Variants in FBP2 observed in about 807,000 individuals in gnomAD.
The protein encoded by FBP2 is fructose-1,6-bisphosphatase isozyme 2.
FBP2 carries 27 observed loss-of-function variants against 31.6 expected under a neutral mutation model. That is an observed-to-expected ratio of 0.85 (90% CI 0.63 to 1.18). FBP2 has a LOEUF of 1.18. Among genes scored for constraint, FBP2 ranks in the 50% most tolerant of loss-of-function variants. FBP2 has a pLI of 0.00. For missense variants in FBP2, 421 were observed against 436.1 expected (o/e 0.97, Z 0.31); for synonymous variants, 168 against 179.8 (o/e 0.93, Z 0.53).
At chr9:94,572,431 C>T (rs1229988913) in intron 3 of FBP2, among the ~76,000 whole-genome samples, 2 of 152,152 alleles carry the variant, frequency 1.3e-5, no homozygotes, top group Non-Finnish European at 2.9e-5. Context: ...AACTGGAGTA[C>T]AGCATTGTTG....
chr9:94,585,906 G>A (rs555144470), intron 2 of FBP2, among the ~76,000 whole-genome samples: 8 of 151,046 alleles, frequency 5.3e-5, no homozygotes, highest in East Asian at 2.0e-4. Flanking sequence ...CCACCATGCC[G>A]AGCTAAATTT....
intron 3 of FBP2, among the ~76,000 whole-genome samples, chr9:94,580,689 C>T (rs1432928268): frequency 6.6e-6 from 1 of 152,208 alleles, no homozygotes; most frequent in African/African-American, 2.4e-5. Context: ...TTTACCAAAG[C>T]TATAAAAATT....
At chr9:94,585,628 TTTTTG>T (rs1279727216) in intron 2 of FBP2, among the ~76,000 whole-genome samples, 2 of 152,080 alleles carry the variant, frequency 1.3e-5, no homozygotes, top group Non-Finnish European at 2.9e-5. Flanking sequence ...TGTTTTCTTG[TTTTTG>T]TTTTGTTTTG....
chr9:94,584,634 T>C lies in FBP2; in HGVS notation c.369A>G (p.Gly123=). The change falls in exon 3 of 7, where the codon GGA becomes GGG. Residue 123 remains glycine (G), a synonymous_variant. Coordinates refer to ENST00000375337, the MANE Select transcript of FBP2 (RefSeq NM_003837.4). The part of the protein sequence containing the change: ...KYVVCFDPLD[G]SSNIDCLASI... ...AGGCCAGGCAGTCAATATTGGAAGATCCATCCAGTGGGTCAAAGCAGACCA... is the reference window on the plus strand; with the variant it reads ...AGGCCAGGCAGTCAATATTGGAAGACCCATCCAGTGGGTCAAAGCAGACCA... 1 of 1,613,840 alleles carries C rather than the reference T, an allele frequency of 6.2e-7. No individual in the cohort carries two copies. The highest frequency in any genetic ancestry group is 1.3e-5 in the African/African-American group (1 of 75,012).
At chr9:94,561,244 A>G (rs1399698978) in intron 6 of FBP2, among the ~76,000 whole-genome samples, 2 of 152,048 alleles carry the variant, frequency 1.3e-5, no homozygotes, top group Non-Finnish European at 2.9e-5. Flanking sequence ...CTTGGAGCCA[A>G]GTTACTTTTG....
In FBP2 at chr9:94,593,748, C is replaced by A; in HGVS notation, c.-22G>T. 1 of 1,612,602 alleles carries A rather than the reference C, an allele frequency of 6.2e-7. No homozygotes were observed. The highest frequency in any genetic ancestry group is 1.3e-5 in the African/African-American group (1 of 75,032). ...TCATTTTGGCTGGAATGCTTCAAATCCTTTTCTCCCGGCAGGAAACCTTGC... is the reference window on the plus strand; with the variant it reads ...TCATTTTGGCTGGAATGCTTCAAATACTTTTCTCCCGGCAGGAAACCTTGC... On this transcript the variant is annotated 5_prime_UTR_variant, in exon 1 of 7. Transcript: ENST00000375337.
rs757407828 is a variant in FBP2 at position 94,587,417 on chromosome 9, C to G, written c.223G>C (p.Asp75His). 1 of 1,614,082 alleles carries G rather than the reference C, an allele frequency of 6.2e-7. No individual in the cohort carries two copies. The highest frequency in any genetic ancestry group is 1.1e-5 in the South Asian group (1 of 91,070). Residue 75 changes from aspartate to histidine, a missense_variant, in exon 2 of 7, where the codon GAT (aspartate) becomes CAT (histidine). Physicochemically the swap from Asp to His is moderately conservative, Grantham distance 81 (BLOSUM62 -1). Coordinates refer to ENST00000375337, the MANE Select transcript of FBP2 (RefSeq NM_003837.4). The part of the protein sequence containing the change: ...NVTGDEVKKL[D>H]VLSNSLVINM... ...ATCACCAGGGAATTGGATAGCACAT[C>G]CAGTTTCTTCACCTCATCTCCCGTC... is the stretch of plus-strand genomic sequence containing the variant.
chr9:94,580,341 A>G (rs983510165), intron 3 of FBP2, among the ~76,000 whole-genome samples: 2 of 152,190 alleles, frequency 1.3e-5, no homozygotes, highest in African/African-American at 4.8e-5. Flanking sequence ...AGTGATTCTC[A>G]TGCCTCAGCC....
At chr9:94,574,729 GTCTTT>G (rs1470478614) in intron 3 of FBP2, among the ~76,000 whole-genome samples, 2 of 151,916 alleles carry the variant, frequency 1.3e-5, no homozygotes, top group African/African-American at 4.8e-5. Flanking sequence ...AAATATTCTT[GTCTTT>G]TCTTTCTGGT....
chr9:94,579,050 C>CAAAAAAAAAAAAAAAAAAAAAAA (rs55778806), intron 3 of FBP2, among the ~76,000 whole-genome samples: 5 of 30,592 alleles, frequency 1.6e-4, no homozygotes, highest in Non-Finnish European at 2.1e-4. Context: ...GAGACTCTGT[C>CAAAAAAAAAAAAAAAAAAAAAAA]AAAAAAAAAA....
intron 1 of FBP2, among the ~76,000 whole-genome samples, chr9:94,591,484 G>T (rs1006540078): frequency 6.6e-6 from 1 of 152,210 alleles, no homozygotes; most frequent in Non-Finnish European, 1.5e-5. Flanking sequence ...CAGCTGGCCC[G>T]CAAGCGCCGC....
intron 1 of FBP2, among the ~76,000 whole-genome samples, chr9:94,591,712 C>G (rs1230522690): frequency 3.9e-5 from 6 of 152,136 alleles, no homozygotes; most frequent in Admixed American, 3.9e-4. Context: ...GCGTGTCTTA[C>G]GGGGCCGGCA....
At chr9:94,570,343 C>T (rs1225348246) in intron 4 of FBP2, 3 of 152,220 alleles carry the variant, frequency 2.0e-5, no homozygotes, top group African/African-American at 4.8e-5. Flanking sequence ...AGCATGACTC[C>T]TGACACCAGT....
chr9:94,577,580 T>C (rs1827328919), intron 3 of FBP2: 1 of 152,206 alleles, frequency 6.6e-6, no homozygotes, highest in African/African-American at 2.4e-5. Context: ...ATTTATGGTC[T>C]AAATTGAATA....
chr9:94,580,737 A>G (rs1827365775), intron 3 of FBP2, among the ~76,000 whole-genome samples: 1 of 152,246 alleles, frequency 6.6e-6, no homozygotes, highest in Non-Finnish European at 1.5e-5. Context: ...TACAGGTTCC[A>G]GACAGGTCAA....
Position 94,558,833 on chromosome 9 carries a change from AT to A in FBP2, c.*104del. On this transcript the variant is annotated 3_prime_UTR_variant, in exon 7 of 7. Coordinates refer to ENST00000375337, the MANE Select transcript of FBP2 (RefSeq NM_003837.4). ...TGCTCTTCTGTATGTGATTAAGTGG[AT>A]TTACCTTTTGTATACTCATAGCTAC... is the stretch of plus-strand genomic sequence containing the variant. 9.2e-7 allele frequency: 1 copy of A among 1,088,218 alleles called. No individual in the cohort carries two copies. 67.4% of individuals were successfully genotyped at this position (1,088,218 alleles called of 1,614,324 possible).
intron 5 of FBP2, among the ~76,000 whole-genome samples, chr9:94,564,169 G>C (rs969806861): frequency 6.6e-6 from 1 of 152,134 alleles, no homozygotes; most frequent in Admixed American, 6.5e-5. Flanking sequence ...CCCAAAACCA[G>C]AAAAATATAC....
In FBP2 at chr9:94,587,284, G is replaced by T. The variant is rs548188423; in HGVS notation, c.333+23C>A. ...CAGTATCATCATCTACTGGCGAGCG[G>T]GCACCGCAGCCCCATGACGCACCCG... On this transcript the variant is annotated intron_variant, in intron 2 of 6. Transcript: ENST00000375337. The T allele has an allele frequency of 9.9e-5, 157 of 1,587,430 alleles. 2 individuals are homozygous for T. In the South Asian group the frequency reaches 1.7e-3, roughly 17 times the overall value.
At chr9:94,585,700 G>T (rs1250546078) in intron 2 of FBP2, among the ~76,000 whole-genome samples, 1 of 152,214 alleles carries the variant, frequency 6.6e-6, no homozygotes, top group Non-Finnish European at 1.5e-5. Flanking sequence ...AGAGCTCGCT[G>T]CAGCCTAGAG....
Sources: gnomAD v4.1 joint callset for allele counts (sites outside exome capture counted in the v4.1 genomes callset) on GRCh38, gnomAD v4.1.1 for gene constraint, MANE v1.5 for transcripts, NCBI Gene and HGNC (gene_info 2026-07-23, HGNC 2026-07-21) for gene names.